Variants in CADM2 observed in about 807,000 individuals in gnomAD.
The protein encoded by CADM2 is immunoglobulin superfamily member 4D.
A neutral mutation model predicts 49.8 loss-of-function variants in CADM2; 12 were observed. The observed-to-expected ratio is 0.24, with a 90% CI of 0.15 to 0.39. The LOEUF is 0.39. Among genes scored for constraint, CADM2 ranks in the 10% least tolerant of loss-of-function variants. The pLI, the probability that CADM2 is intolerant of heterozygous loss-of-function variation, is 1.00. For missense variants in CADM2, 378 were observed against 492.3 expected (o/e 0.77, Z 2.20); for synonymous variants, 214 against 175.4 (o/e 1.22, Z -1.74).
rs78908577 is a variant in CADM2 at position 85,932,454 on chromosome 3, A to C, written c.701-3313A>C. Among the ~76,000 whole-genome samples, 104 of 152,326 alleles carry C rather than the reference A, an allele frequency of 6.8e-4. 1 individual carries two copies. The East Asian group carries it at 0.02, about 29-fold the overall frequency. On this transcript the variant is annotated intron_variant, in intron 6 of 9. Coordinates refer to ENST00000383699, the MANE Select transcript of CADM2 (RefSeq NM_001167675.2). ...TGATTGGTAAGTAAATGGAAACTAA[A>C]GATAAGAGTGAGGCTTAAAAGACCT...
Position 86,052,214 on chromosome 3 carries a change from A to T in CADM2, c.971-13391A>T, listed in dbSNP as rs147727585. 5.4e-4 allele frequency among the ~76,000 whole-genome samples: 82 copies of T among 152,280 alleles called. 1 individual carries two copies. The highest frequency in any genetic ancestry group is 2.0e-3 in the African/African-American group (82 of 41,562). On this transcript the variant is annotated intron_variant, in intron 8 of 9. Coordinates refer to ENST00000383699, the MANE Select transcript of CADM2 (RefSeq NM_001167675.2). ...TTTATTTTAGGTTATGTATTTAATG[A>T]TATCTATGAAAAACACAGTCTGTAC... is the stretch of plus-strand genomic sequence containing the variant.
intron 1 of CADM2, among the ~76,000 whole-genome samples, chr3:85,133,098 C>G (rs749490803): frequency 3.3e-5 from 5 of 152,108 alleles, no homozygotes; most frequent in Non-Finnish European, 7.4e-5. Flanking sequence ...GGCTCCTGGT[C>G]TCGCTGGCTT....
chr3:85,335,319 A>T (rs1235206767), intron 1 of CADM2, among the ~76,000 whole-genome samples: 3 of 151,430 alleles, frequency 2.0e-5, no homozygotes, highest in African/African-American at 7.2e-5. Context: ...AGCATTTTGC[A>T]CTTGGCTCCA....
chr3:85,802,111 G>C lies in CADM2; in HGVS notation c.153G>C (p.Leu51Phe), dbSNP rs755190295. 6.3e-5 allele frequency: 102 copies of C among 1,613,174 alleles called. No individual in the cohort carries two copies. The highest frequency in any genetic ancestry group is 8.5e-5 in the Non-Finnish European group (100 of 1,179,588). ...TTGTTGAAGGTGGAACTGCAATTTT[G>C]ACCTGCAGGGTTGATCAAAATGATA... Reference protein sequence around the residue: ...VTVVEGGTAILTCRVDQNDNT... With the variant: ...VTVVEGGTAIFTCRVDQNDNT... Residue 51 changes from leucine (L) to phenylalanine (F), a missense_variant, in exon 3 of 10, where the codon TTG becomes TTC. Coordinates refer to ENST00000383699, the MANE Select transcript of CADM2 (RefSeq NM_001167675.2).
intron 1 of CADM2, among the ~76,000 whole-genome samples, chr3:85,020,055 T>A (rs1175735960): frequency 6.6e-6 from 1 of 152,208 alleles, no homozygotes; most frequent in African/African-American, 2.4e-5. Flanking sequence ...ACAAATGTGA[T>A]TATCTTCCAA....
intron 1 of CADM2, among the ~76,000 whole-genome samples, chr3:85,612,562 A>C (rs2063706089): frequency 6.6e-6 from 1 of 151,828 alleles, no homozygotes; most frequent in Non-Finnish European, 1.5e-5. Flanking sequence ...TAAATATAGA[A>C]CTGAAAATAT....
At chr3:85,736,800 G>A (rs1222093866) in intron 2 of CADM2, among the ~76,000 whole-genome samples, 1 of 152,108 alleles carries the variant, frequency 6.6e-6, no homozygotes, top group Non-Finnish European at 1.5e-5. Context: ...TGAAAAAACA[G>A]ATTAGTAGAG....
intron 1 of CADM2, among the ~76,000 whole-genome samples, chr3:85,237,187 A>G (rs1433297321): frequency 2.6e-5 from 4 of 152,036 alleles, no homozygotes. Flanking sequence ...TTAACTACTC[A>G]ATGAGACAGA....
intron 3 of CADM2, among the ~76,000 whole-genome samples, chr3:85,878,277 A>G (rs1029980159): frequency 3.3e-5 from 5 of 152,092 alleles, no homozygotes; most frequent in East Asian, 1.9e-4. Flanking sequence ...GTGATGTAGC[A>G]TAGGAGTTTT....
Position 85,431,651 on chromosome 3 carries a change from T to C in CADM2, c.62-294871T>C, listed in dbSNP as rs554803253. Reference sequence around the variant, plus strand: ...GGATTTATTTGGAGCCTAAACAAGCTGAATGGAAAGAAACATGGTTACTGA... The same window carrying C: ...GGATTTATTTGGAGCCTAAACAAGCCGAATGGAAAGAAACATGGTTACTGA... On this transcript the variant is annotated intron_variant, in intron 1 of 9. Coordinates refer to ENST00000383699, the MANE Select transcript of CADM2 (RefSeq NM_001167675.2). 8.4e-4 allele frequency among the ~76,000 whole-genome samples: 127 copies of C among 151,236 alleles called. 3 individuals carry two copies. In the Admixed American group the frequency reaches 8.4e-3, roughly 10 times the overall value.
chr3:85,139,262 C>T (rs574565117), intron 1 of CADM2, among the ~76,000 whole-genome samples: 3 of 152,216 alleles, frequency 2.0e-5, no homozygotes, highest in South Asian at 2.1e-4. Context: ...GAAACACAAA[C>T]ACAAATCTGT....
intron 1 of CADM2, among the ~76,000 whole-genome samples, chr3:85,682,343 G>A (rs2066062547): frequency 6.6e-6 from 1 of 151,976 alleles, no homozygotes; most frequent in Admixed American, 6.6e-5. Context: ...TTTCTAAATA[G>A]GAGGAAAGTC....
rs115972487 is a variant in CADM2 at position 85,782,405 on chromosome 3, G to T, written c.89-19642G>T. Among the ~76,000 whole-genome samples the T allele has an allele frequency of 4.2e-3, 634 of 152,214 alleles. 3 individuals are homozygous for T. The highest frequency in any genetic ancestry group is 0.014 in the African/African-American group (584 of 41,538). ...ATACACTCCATTTCTTGCCGAGTGA[G>T]ATGGCTCATGCCTATAATCTCAGCA... On this transcript the variant is annotated intron_variant, in intron 2 of 9. Transcript: ENST00000383699.
At chr3:85,483,444 T>C (rs918345714) in intron 1 of CADM2, among the ~76,000 whole-genome samples, 2 of 151,206 alleles carry the variant, frequency 1.3e-5, no homozygotes, top group South Asian at 4.2e-4. Context: ...CAAATAATTT[T>C]TGATTCTTAT....
intron 8 of CADM2, among the ~76,000 whole-genome samples, chr3:86,019,315 G>A (rs1331560714): frequency 2.1e-5 from 3 of 141,374 alleles, no homozygotes; most frequent in African/African-American, 5.3e-5. Flanking sequence ...GTAGCGTGAT[G>A]CCTCCAGCTT....
At chr3:85,561,554 G>C (rs538371563) in intron 1 of CADM2, among the ~76,000 whole-genome samples, 1 of 152,198 alleles carries the variant, frequency 6.6e-6, no homozygotes, top group East Asian at 1.9e-4. Context: ...TCTTAGGGGA[G>C]TACATATTTT....
At chr3:85,239,691 G>A (rs1052629107) in intron 1 of CADM2, among the ~76,000 whole-genome samples, 1 of 151,212 alleles carries the variant, frequency 6.6e-6, no homozygotes, top group Non-Finnish European at 1.5e-5. Context: ...CAAGAAAATT[G>A]TTTCCTTTTG....
At chr3:85,062,302 T>C (rs1475827288) in intron 1 of CADM2, among the ~76,000 whole-genome samples, 1 of 152,106 alleles carries the variant, frequency 6.6e-6, no homozygotes, top group African/African-American at 2.4e-5. Context: ...ATACTCATGG[T>C]AGTCCTAAAC....
chr3:85,769,567 G>GTATATATACACA (rs2069939144), intron 2 of CADM2, among the ~76,000 whole-genome samples: 1 of 40,796 alleles, frequency 2.5e-5, no homozygotes, highest in African/African-American at 1.2e-4. Context: ...ATATATACAC[G>GTATATATACACA]TATATACATA....
Sources: allele counts gnomAD v4.1 joint callset (sites outside exome capture counted in the v4.1 genomes callset), GRCh38; gene constraint gnomAD v4.1.1; transcripts MANE v1.5; gene names NCBI Gene and HGNC (gene_info 2026-07-23, HGNC 2026-07-21).